UBAC2: variants seen among roughly 807,000 people sequenced by gnomAD.
UBAC2 encodes ubiquitin-associated domain-containing protein 2.
UBAC2 carries 26 observed loss-of-function variants against 44.0 expected under a neutral mutation model. The ratio of observed to expected loss-of-function variants is 0.59; its 90% CI spans 0.43 to 0.82. The LOEUF (loss-of-function observed/expected upper bound fraction) is 0.82. UBAC2 is among the 40% of genes least tolerant of loss of function. UBAC2 has a pLI of 0.00. For synonymous variants in UBAC2, 155 were observed against 154.3 expected, an observed-to-expected ratio of 1.00 and a Z score of -0.04; for missense variants, 329 against 419.4, an observed-to-expected ratio of 0.78 and a Z score of 1.88.
chr13:99,354,577 G>T (rs1362992726), intron 7 of UBAC2, among the ~76,000 whole-genome samples: 2 of 152,158 alleles, frequency 1.3e-5, no homozygotes, highest in Admixed American at 6.5e-5. Context: ...CAGGAGTTGG[G>T]CCCTATGCAA....
chr13:99,224,815 TTTAATAATAACTATTTAAAGG>T (rs1487447613), intron 1 of UBAC2, among the ~76,000 whole-genome samples: 1 of 152,238 alleles, frequency 6.6e-6, no homozygotes, highest in African/African-American at 2.4e-5. Flanking sequence ...TTCCCTAGAG[TTTAATAATAACTATTTAAAGG>T]TTTTTGAGTT....
chr13:99,213,905 T>A (rs1566449465), intron 1 of UBAC2, among the ~76,000 whole-genome samples: 2 of 152,180 alleles, frequency 1.3e-5, no homozygotes, highest in East Asian at 3.8e-4. Context: ...CTGCAAGCTC[T>A]GCCTCCCAGG....
intron 4 of UBAC2, among the ~76,000 whole-genome samples, chr13:99,267,489 CT>C (rs2043758706): frequency 6.6e-6 from 1 of 152,114 alleles, no homozygotes; most frequent in Non-Finnish European, 1.5e-5. Flanking sequence ...CTTTTGGAAC[CT>C]TTCCTCATGA....
intron 4 of UBAC2, among the ~76,000 whole-genome samples, chr13:99,296,447 CA>C (rs2044174881): frequency 6.6e-6 from 1 of 152,190 alleles, no homozygotes; most frequent in Admixed American, 6.5e-5. Flanking sequence ...TTAAATAGGG[CA>C]AACGCACTTT....
At chr13:99,253,106 A>G (rs1038971327) in intron 4 of UBAC2, among the ~76,000 whole-genome samples, 3 of 150,158 alleles carry the variant, frequency 2.0e-5, no homozygotes, top group Non-Finnish European at 3.0e-5. Flanking sequence ...TAAAGATATA[A>G]TATCTATAAA....
Position 99,243,825 on chromosome 13 carries a change from C to T in UBAC2, c.160-7C>T, listed in dbSNP as rs1281728749. ...TGTTTATTGTTCTTTTTTAAATCCC[C>T]ATCTAGATTTGGAGGTTGATATGTG... On this transcript the variant is annotated splice_polypyrimidine_tract_variant and splice_region_variant and intron_variant, in intron 2 of 8. Coordinates refer to ENST00000403766, the MANE Select transcript of UBAC2 (RefSeq NM_001144072.2). 6.4e-7 allele frequency: 1 copy of T among 1,559,144 alleles called. No homozygotes were observed. The highest frequency in any genetic ancestry group is 8.7e-7 in the Non-Finnish European group (1 of 1,151,724).
chr13:99,217,203 G>A (rs926487583), intron 1 of UBAC2, among the ~76,000 whole-genome samples: 4 of 152,178 alleles, frequency 2.6e-5, no homozygotes, highest in Admixed American at 1.3e-4. Context: ...CAGCTAGGCC[G>A]TTGCTCAGCG....
intron 4 of UBAC2, among the ~76,000 whole-genome samples, chr13:99,312,341 T>C (rs1320999904): frequency 1.3e-5 from 2 of 152,148 alleles, no homozygotes; most frequent in Non-Finnish European, 2.9e-5. Context: ...GGTGCCATTT[T>C]CCCAAAAGTG....
chr13:99,373,841 G>A (rs567104395), intron 8 of UBAC2, among the ~76,000 whole-genome samples: 3 of 152,128 alleles, frequency 2.0e-5, no homozygotes, highest in African/African-American at 4.8e-5. Context: ...GGAACCATGC[G>A]GGATCTTACA....
intron 1 of UBAC2, among the ~76,000 whole-genome samples, chr13:99,214,382 A>G (rs2042968214): frequency 6.6e-6 from 1 of 151,988 alleles, no homozygotes; most frequent in African/African-American, 2.4e-5. Flanking sequence ...GTTTGTGGGT[A>G]CAGCCTTTTC....
intron 8 of UBAC2, among the ~76,000 whole-genome samples, chr13:99,378,078 A>G (rs906615949): frequency 3.3e-5 from 5 of 152,086 alleles, no homozygotes; most frequent in East Asian, 1.9e-4. Flanking sequence ...AGCCCATCAC[A>G]TATTTTCTCT....
At chr13:99,212,957 A>G (rs1446065385) in intron 1 of UBAC2, among the ~76,000 whole-genome samples, 1 of 152,262 alleles carries the variant, frequency 6.6e-6, no homozygotes, top group African/African-American at 2.4e-5. Flanking sequence ...CAAATATTTT[A>G]TGTAGTGTAG....
intron 4 of UBAC2, among the ~76,000 whole-genome samples, chr13:99,280,390 C>T (rs1241231941): frequency 6.6e-6 from 1 of 152,204 alleles, no homozygotes; most frequent in East Asian, 1.9e-4. Context: ...GTGGTTACAA[C>T]ATCCCTTCTC....
chr13:99,246,543 T>C lies in UBAC2; in HGVS notation c.389+1919T>C, dbSNP rs144400645. ...TGTTAGAATGAACTTTGGAGATGGA[T>C]AGTAACTTAGCATTATTCTTATTTA... On this transcript the variant is annotated intron_variant, in intron 4 of 8. Coordinates refer to ENST00000403766, the MANE Select transcript of UBAC2 (RefSeq NM_001144072.2). Among the ~76,000 whole-genome samples, 362 of 152,356 alleles carry C rather than the reference T, an allele frequency of 2.4e-3. 4 individuals carry two copies. Among genetic ancestry groups the C allele is most frequent in the South Asian group, 0.011 (51 of 4,830 alleles).
At chr13:99,239,066 C>T (rs1338756384) in intron 2 of UBAC2, among the ~76,000 whole-genome samples, 2 of 152,178 alleles carry the variant, frequency 1.3e-5, no homozygotes, top group Non-Finnish European at 2.9e-5. Flanking sequence ...GTTGAAAATG[C>T]TAGTACTGGG....
At chr13:99,267,831 G>A (rs1330428417) in intron 4 of UBAC2, among the ~76,000 whole-genome samples, 1 of 152,110 alleles carries the variant, frequency 6.6e-6, no homozygotes, top group Non-Finnish European at 1.5e-5. Flanking sequence ...TTCAGTAATG[G>A]TGGAGGCTAA....
At chr13:99,362,540 A>G (rs1267843746) in intron 7 of UBAC2, among the ~76,000 whole-genome samples, 1 of 152,126 alleles carries the variant, frequency 6.6e-6, no homozygotes, top group East Asian at 1.9e-4. Flanking sequence ...TGGGCTGTGT[A>G]TTTTTGCGAG....
intron 8 of UBAC2, among the ~76,000 whole-genome samples, chr13:99,382,544 G>A (rs1050132844): frequency 2.6e-5 from 4 of 152,224 alleles, no homozygotes; most frequent in East Asian, 1.9e-4. Context: ...GACCACACCC[G>A]TGGTGTCACA....
chr13:99,281,207 C>A (rs796076154), intron 4 of UBAC2, among the ~76,000 whole-genome samples: 1 of 148,358 alleles, frequency 6.7e-6, no homozygotes, highest in Non-Finnish European at 1.5e-5. Flanking sequence ...CAAAACAAAA[C>A]AAAACAAAAA....
Sources: gnomAD v4.1 joint callset for allele counts (sites outside exome capture counted in the v4.1 genomes callset) on GRCh38, gnomAD v4.1.1 for gene constraint, MANE v1.5 for transcripts, NCBI Gene and HGNC (gene_info 2026-07-23, HGNC 2026-07-21) for gene names.